Variants in TENM1 observed in about 807,000 individuals in gnomAD.
The protein encoded by TENM1 is teneurin transmembrane protein 1, also known as teneurin-1.
Under a neutral mutation model 174.8 loss-of-function variants are expected in TENM1, and 35 were observed. That is an observed-to-expected ratio of 0.20 (90% CI 0.15 to 0.27). The LOEUF (loss-of-function observed/expected upper bound fraction) is 0.27. Ranked by LOEUF, TENM1 falls within the 10% of genes least tolerant of loss-of-function variation. TENM1 has a pLI of 1.00. For missense variants in TENM1, 1,633 were observed against 2,130.1 expected (o/e 0.77, Z 4.59); for synonymous variants, 781 against 798.7 (o/e 0.98, Z 0.37).
intron 5 of TENM1, among the ~76,000 whole-genome samples, chrX:124,678,497 T>C (rs1341569034): frequency 9.0e-6 from 1 of 111,399 alleles, no homozygotes; most frequent in African/African-American, 3.2e-5. Context: ...TATTATTATA[T>C]AATTTTAAAA....
intron 3 of TENM1, among the ~76,000 whole-genome samples, chrX:124,845,370 T>G (rs2056586266): frequency 9.0e-6 from 1 of 111,420 alleles, no homozygotes; most frequent in African/African-American, 3.3e-5. Flanking sequence ...CTAGATTTTG[T>G]ATTTCTAACA....
At chrX:124,566,464 G>A (rs778928625) in intron 11 of TENM1, among the ~76,000 whole-genome samples, 1 of 111,936 alleles carries the variant, frequency 8.9e-6, no homozygotes, top group East Asian at 2.8e-4. Context: ...ATAAAAGCAT[G>A]GCAAGCCTCT....
the TENM1 span, among the ~76,000 whole-genome samples, chrX:125,159,681 A>C: frequency 6.2e-5 from 7 of 112,298 alleles, no homozygotes; most frequent in Non-Finnish European, 1.3e-4. Flanking sequence ...TACCAAATTA[A>C]GTTAAATAAG....
chrX:124,942,211 A>G (rs2058338400), intron 1 of TENM1, among the ~76,000 whole-genome samples: 1 of 111,630 alleles, frequency 9.0e-6, no homozygotes, highest in Non-Finnish European at 1.9e-5. Flanking sequence ...TCTCCTATGT[A>G]TGTCTCCCTT....
At chrX:124,529,188 A>G (rs1356656620) in intron 16 of TENM1, among the ~76,000 whole-genome samples, 2 of 112,082 alleles carry the variant, frequency 1.8e-5, no homozygotes, top group Non-Finnish European at 3.8e-5. Context: ...AGCTGGACAC[A>G]TGGGCCTATT....
chrX:124,556,298 G>T (rs972208427), intron 14 of TENM1, among the ~76,000 whole-genome samples: 1 of 106,635 alleles, frequency 9.4e-6, no homozygotes, highest in Non-Finnish European at 1.9e-5. Flanking sequence ...ACAAAAATTA[G>T]TCGGAGGGGC....
chrX:124,481,614 T>C (rs935497329), intron 22 of TENM1, 118 bp downstream of exon 25: 5 of 225,028 alleles, frequency 2.2e-5, no homozygotes, highest in Admixed American at 7.0e-5. Context: ...AGGCAAAATA[T>C]TGAGATTAGT....
At chrX:124,740,125 C>T (rs1277876858) in intron 3 of TENM1, among the ~76,000 whole-genome samples, 1 of 111,483 alleles carries the variant, frequency 9.0e-6, no homozygotes, top group Non-Finnish European at 1.9e-5. Flanking sequence ...TGGGAGAGCA[C>T]TTAATGACCC....
chrX:124,962,769 G>C (rs2058673801), intron 1 of TENM1, among the ~76,000 whole-genome samples: 1 of 110,984 alleles, frequency 9.0e-6, no homozygotes, highest in African/African-American at 3.3e-5. Flanking sequence ...AGTAAGCCGA[G>C]ATTGCGCCAC....
intron 22 of TENM1, among the ~76,000 whole-genome samples, chrX:124,479,979 G>C (rs1424640662): frequency 9.0e-6 from 1 of 111,537 alleles, no homozygotes; most frequent in African/African-American, 3.3e-5. Flanking sequence ...TTGGGGCGGG[G>C]CTTGTGTTCC....
At chrX:124,471,295 ATAT>A (rs1392161286) in intron 22 of TENM1, among the ~76,000 whole-genome samples, 10 of 24,514 alleles carry the variant, frequency 4.1e-4, no homozygotes, top group Admixed American at 6.8e-4. Context: ...ATAGTACTAT[ATAT>A]TATAATATAT....
At chrX:124,985,055 C>T in the TENM1 span, among the ~76,000 whole-genome samples, 8 of 111,934 alleles carry the variant, frequency 7.1e-5, no homozygotes, top group South Asian at 3.7e-4. Context: ...CTGACCCTTT[C>T]GTCGTCAACA....
the TENM1 span, among the ~76,000 whole-genome samples, chrX:125,124,589 T>C: frequency 8.9e-6 from 1 of 112,239 alleles, no homozygotes; most frequent in Non-Finnish European, 1.9e-5. Flanking sequence ...TGTATTGCTT[T>C]TCCATTTCAA....
At chrX:124,524,650 C>T (rs1249802701) in intron 16 of TENM1, among the ~76,000 whole-genome samples, 1 of 111,420 alleles carries the variant, frequency 9.0e-6, no homozygotes, top group African/African-American at 3.3e-5. Context: ...ACAACTTCAC[C>T]AACAACTCCT....
At chrX:124,542,517 A>G (rs950212931) in intron 15 of TENM1, among the ~76,000 whole-genome samples, 5 of 110,443 alleles carry the variant, frequency 4.5e-5, no homozygotes, top group African/African-American at 1.3e-4. Flanking sequence ...AAGGGTAGGC[A>G]TTCCACCAGA....
chrX:124,386,101 C>T, intron 28 of TENM1, 37 bp from the exon 32 acceptor site: 1 of 1,130,406 alleles, frequency 8.8e-7, no homozygotes, highest in Middle Eastern at 2.5e-4. Flanking sequence ...ATATTATGGA[C>T]AACTAAAGTT....
intron 1 of TENM1, among the ~76,000 whole-genome samples, chrX:124,931,407 T>C (rs1008444765): frequency 1.8e-5 from 2 of 110,049 alleles, no homozygotes; most frequent in Admixed American, 9.7e-5. Context: ...GAAAAGAGAG[T>C]TACCTGGGGA....
chrX:124,515,920 T>C (rs1602579208), intron 18 of TENM1, among the ~76,000 whole-genome samples: 1 of 110,602 alleles, frequency 9.0e-6, no homozygotes, highest in African/African-American at 3.3e-5. Context: ...CAAAAAAAGC[T>C]GGAGGCATCA....
the TENM1 span, among the ~76,000 whole-genome samples, chrX:124,976,504 AGACT>A: frequency 2.9e-4 from 33 of 112,220 alleles, no homozygotes; most frequent in Non-Finnish European, 6.0e-4. Context: ...GAGACTAAGA[AGACT>A]TTAGATCCTA....
Sources: allele counts gnomAD v4.1 joint callset (sites outside exome capture counted in the v4.1 genomes callset), GRCh38; gene constraint gnomAD v4.1.1; transcripts MANE v1.5; gene names NCBI Gene and HGNC (gene_info 2026-07-23, HGNC 2026-07-21).